Variants in KIF1B observed in about 807,000 individuals in gnomAD.
KIF1B encodes kinesin-like protein KIF1B.
In KIF1B, 76 loss-of-function variants were observed where a neutral mutation model predicts 241.9. That is an observed-to-expected ratio of 0.31 (90% CI 0.26 to 0.38). KIF1B has a LOEUF of 0.38. Among genes scored for constraint, KIF1B ranks in the 10% least tolerant of loss-of-function variants. KIF1B has a pLI of 1.00. For missense variants in KIF1B, 1,622 were observed against 2,271.4 expected, an observed-to-expected ratio of 0.71 and a Z score of 5.81; for synonymous variants, 750 against 796.7, an observed-to-expected ratio of 0.94 and a Z score of 0.99.
At chr1:10,211,696 T>A (rs1358063997) in intron 1 of KIF1B, 1 of 148,424 alleles carries the variant, frequency 6.7e-6, no homozygotes, top group Non-Finnish European at 1.5e-5. Flanking sequence ...AGCTTCCAGA[T>A]CCCTTTTTTT....
intron 1 of KIF1B, among the ~76,000 whole-genome samples, chr1:10,228,541 T>C (rs1356839808): frequency 6.6e-6 from 1 of 152,214 alleles, no homozygotes; most frequent in Non-Finnish European, 1.5e-5. Flanking sequence ...AAAGCAGTGC[T>C]TTTTAGCTGG....
intron 2 of KIF1B, among the ~76,000 whole-genome samples, chr1:10,248,199 G>T (rs567985067): frequency 6.6e-6 from 1 of 152,140 alleles, no homozygotes; most frequent in South Asian, 2.1e-4. Context: ...TTTTGTTGTT[G>T]TTGTTGTTGT....
intron 25 of KIF1B, among the ~76,000 whole-genome samples, chr1:10,324,370 T>C (rs570846468): frequency 6.6e-6 from 1 of 152,356 alleles, no homozygotes; most frequent in East Asian, 1.9e-4. Flanking sequence ...ATTTTTTCTA[T>C]CCTGGACCTC....
chr1:10,231,378 CTTTTTTTTT>C (rs35213507), intron 1 of KIF1B, among the ~76,000 whole-genome samples: 1 of 85,716 alleles, frequency 1.2e-5, no homozygotes, highest in African/African-American at 5.0e-5. Context: ...GTTCAGTGCC[CTTTTTTTTT>C]TTTTTTTTTT....
rs773982003 is a variant in KIF1B at position 10,326,127 on chromosome 1, G to A, written c.2692G>A (p.Gly898Ser). 35 of 1,613,860 alleles carry A rather than the reference G, an allele frequency of 2.2e-5. No individual in the cohort carries two copies. Among genetic ancestry groups the A allele is most frequent in the Non-Finnish European group, 2.5e-5 (29 of 1,180,020 alleles). ...GGTGTCTAGCTCCCCCATTTTCCAC[G>A]GCTGTGTGAACGAGCGCCTTGCCGA... ...KLVGSSPIFH[G>S]CVNERLADRT... The change falls in exon 27 of 49, where the codon GGC (glycine) becomes AGC (serine). Residue 898 changes from glycine (G) to serine (S), a missense_variant. By Grantham distance (56) the Gly-to-Ser change is moderately conservative (BLOSUM62 0). This residue lies in a region of KIF1B where 803 missense variants were observed against 1,112.0 expected (regional missense o/e 0.72). Transcript: ENST00000676179. The surrounding 1 kb of genome is among the most constrained non-coding windows in gnomAD (Gnocchi z 5.2).
At chr1:10,257,797 T>A (rs1392964683) in intron 3 of KIF1B, among the ~76,000 whole-genome samples, 1 of 152,144 alleles carries the variant, frequency 6.6e-6, no homozygotes, top group Non-Finnish European at 1.5e-5. Context: ...TGCTTCAGCC[T>A]CCTGAGTATC....
At chr1:10,304,925 T>A in intron 22 of KIF1B, 4 of 1,292,902 alleles carry the variant, frequency 3.1e-6, no homozygotes, top group Non-Finnish European at 3.9e-6. Flanking sequence ...TATACTTACT[T>A]ACACAGACTT....
At chr1:10,244,378 G>A (rs1315218300) in intron 2 of KIF1B, among the ~76,000 whole-genome samples, 3 of 144,154 alleles carry the variant, frequency 2.1e-5, no homozygotes, top group Non-Finnish European at 4.5e-5. Context: ...GCAATGGCCC[G>A]ATCTCGGCTC....
At position 10,268,250 on chromosome 1, in the gene KIF1B, T is replaced by A; in HGVS notation, c.707T>A (p.Leu236His). 6.2e-7 allele frequency: 1 copy of A among 1,606,036 alleles called. No homozygotes were observed. Among genetic ancestry groups the A allele is most frequent in the Non-Finnish European group, 8.5e-7 (1 of 1,172,592 alleles). The change falls in exon 7 of 49, where the codon CTT becomes CAT. Residue 236 changes from leucine (L) to histidine (H), a missense_variant. Leu to His is a moderately conservative substitution (Grantham distance 99). Around this residue, in one of 7 missense-constraint regions of KIF1B, gnomAD observed 201 missense variants for 301.2 expected, o/e 0.67. Coordinates refer to ENST00000676179, the MANE Select transcript of KIF1B (RefSeq NM_001365951.3). ...AAGAAACACGATAATGAGACCAACCTTTCCACTGAGAAGGTAGGAGAGTTT... is the reference window on the plus strand; with the variant it reads ...AAGAAACACGATAATGAGACCAACCATTCCACTGAGAAGGTAGGAGAGTTT... ...TQKKHDNETNLSTEKVSKISL... is the reference protein window; with the variant it reads ...TQKKHDNETNHSTEKVSKISL...
At chr1:10,299,335 C>A (rs1306665782) in intron 22 of KIF1B, among the ~76,000 whole-genome samples, 1 of 152,138 alleles carries the variant, frequency 6.6e-6, no homozygotes, top group African/African-American at 2.4e-5. Flanking sequence ...TGAAAGCAAG[C>A]CAGGATTTCA....
At chr1:10,312,849 C>T (rs1043957814) in intron 22 of KIF1B, among the ~76,000 whole-genome samples, 2 of 151,488 alleles carry the variant, frequency 1.3e-5, no homozygotes, top group African/African-American at 4.9e-5. Context: ...TCTCTGTCTC[C>T]TTTGTCAATG....
chr1:10,365,403 T>C lies in KIF1B; in HGVS notation c.4513-6T>C. The C allele has an allele frequency of 1.9e-6, 3 of 1,614,140 alleles. No individual in the cohort carries two copies. The highest frequency in any genetic ancestry group is 2.5e-6 in the Non-Finnish European group (3 of 1,180,022). ...TTTGCTATAGCAGTAGTATTGATCT[T>C]CTCAGGTGGAAAAAACCCGCCACTT... On this transcript the variant is annotated splice_region_variant and splice_polypyrimidine_tract_variant and intron_variant, in intron 42 of 48. Coordinates refer to ENST00000676179, the MANE Select transcript of KIF1B (RefSeq NM_001365951.3). The surrounding 1 kb of genome is among the most constrained non-coding windows in gnomAD (Gnocchi z 4.0).
At chr1:10,281,534 C>T (rs566508855) in intron 14 of KIF1B, among the ~76,000 whole-genome samples, 3 of 152,204 alleles carry the variant, frequency 2.0e-5, no homozygotes, top group South Asian at 2.1e-4. Flanking sequence ...CATGGTTGTA[C>T]TGTTAGGCTA....
rs777594836 is a variant in KIF1B at position 10,365,267 on chromosome 1, C to T, written c.4512+22C>T. The T allele has an allele frequency of 1.2e-4, 199 of 1,613,572 alleles. No individual in the cohort carries two copies. The highest frequency in any genetic ancestry group is 1.6e-4 in the Non-Finnish European group (194 of 1,179,826). On this transcript the variant is annotated intron_variant, in intron 42 of 48. Coordinates refer to ENST00000676179, the MANE Select transcript of KIF1B (RefSeq NM_001365951.3). The surrounding 1 kb of genome is among the most constrained non-coding windows in gnomAD (Gnocchi z 4.0). ...TGAGGTATCCAGGGGCAGGGTTGTTCAGATGCAAGAACTCTCGGACAAGAT... is the reference window on the plus strand; with the variant it reads ...TGAGGTATCCAGGGGCAGGGTTGTTTAGATGCAAGAACTCTCGGACAAGAT...
chr1:10,244,318 T>TTC (rs1167609720), intron 2 of KIF1B, among the ~76,000 whole-genome samples: 3 of 147,872 alleles, frequency 2.0e-5, no homozygotes, highest in African/African-American at 4.9e-5. Flanking sequence ...TTCTTTTCTT[T>TTC]TTTTTTTTTT....
chr1:10,285,386 C>A lies in KIF1B; in HGVS notation c.1434+2853C>A, dbSNP rs373424891. Among the ~76,000 whole-genome samples the A allele has an allele frequency of 2.0e-4, 30 of 152,250 alleles. No homozygotes were observed. In the East Asian group the frequency reaches 5.2e-3, roughly 26 times the overall value. The stretch of plus-strand genomic sequence containing the variant: ...CACATGTTAGGAGTCAAGACATTAA[C>A]CAGACTCTTCAAGATTCAGGTAACC... On this transcript the variant is annotated intron_variant, in intron 15 of 48. Transcript: ENST00000676179.
intron 10 of KIF1B, chr1:10,274,868 G>T: frequency 2.8e-6 from 1 of 356,102 alleles, no homozygotes; most frequent in South Asian, 2.1e-5. Context: ...TAATGGTCCT[G>T]TGGTGTTTTG....
At chr1:10,295,455 G>A (rs1421259642) in intron 18 of KIF1B, among the ~76,000 whole-genome samples, 1 of 152,002 alleles carries the variant, frequency 6.6e-6, no homozygotes, top group Non-Finnish European at 1.5e-5. Flanking sequence ...AGTTACATTG[G>A]TATATCAGTG....
chr1:10,360,828 G>C, intron 38 of KIF1B, 101 bp from the exon 39 acceptor site: 1 of 802,404 alleles, frequency 1.2e-6, no homozygotes, highest in South Asian at 1.4e-5. Flanking sequence ...AGTGTCTGTT[G>C]GTTGGCGTAT....
Sources: allele counts gnomAD v4.1 joint callset (sites outside exome capture counted in the v4.1 genomes callset), GRCh38; gene constraint gnomAD v4.1.1; regional missense constraint gnomAD v4.1.1; non-coding constraint Gnocchi (gnomAD v3.1); transcripts MANE v1.5; gene names NCBI Gene and HGNC (gene_info 2026-07-23, HGNC 2026-07-21).